Variants in UMAD1 observed in about 807,000 individuals in gnomAD.
UMAD1 encodes UBAP1-MVB12-associated (UMA)-domain containing protein 1.
Under a neutral mutation model 6.1 loss-of-function variants are expected in UMAD1, and 8 were observed. The ratio of observed to expected loss-of-function variants is 1.30; its 90% confidence interval spans 0.76 to 2.35. The LOEUF is 2.35. Among genes scored for constraint, UMAD1 ranks in the 30% most tolerant of loss-of-function variants. UMAD1 has a pLI of 0.00. For missense variants in UMAD1, 130 were observed against 78.4 expected, an observed-to-expected ratio of 1.66 and a Z score of -2.49; for synonymous variants, 56 against 31.4, an observed-to-expected ratio of 1.78 and a Z score of -2.61.
intron 2 of UMAD1, among the ~76,000 whole-genome samples, chr7:7,719,152 C>G (rs1306610868): frequency 6.6e-6 from 1 of 151,916 alleles, no homozygotes; most frequent in Non-Finnish European, 1.5e-5. Context: ...GCTAAAAACA[C>G]CTTTAGGGTG....
At chr7:7,741,623 TA>T (rs889959055) in intron 2 of UMAD1, among the ~76,000 whole-genome samples, 1 of 146,904 alleles carries the variant, frequency 6.8e-6, no homozygotes, top group Non-Finnish European at 1.5e-5. Flanking sequence ...ATAAAAATAA[TA>T]AAAAAACACT....
intron 2 of UMAD1, among the ~76,000 whole-genome samples, chr7:7,776,446 A>T (rs1408709748): frequency 6.6e-6 from 1 of 152,234 alleles, no homozygotes; most frequent in Non-Finnish European, 1.5e-5. Flanking sequence ...TAGAGAGCAG[A>T]TTAGTGGTAG....
At chr7:7,734,009 A>G (rs180901719) in intron 2 of UMAD1, among the ~76,000 whole-genome samples, 2,764 of 152,222 alleles carry the variant, frequency 0.018, 93 homozygotes, top group African/African-American at 0.063. Flanking sequence ...ATAGTTAAGG[A>G]TTAACAGTGT....
At position 7,877,570 on chromosome 7, in the gene UMAD1, A is replaced by C; in HGVS notation, c.*32A>C. On this transcript the variant is annotated 3_prime_UTR_variant, in exon 4 of 4. Transcript: ENST00000682710. ...TGTCTGTTTGCACCTTAACAGCTTTAAAATATGTTCGCCTATTTTATCTAA... is the reference window on the plus strand; with the variant it reads ...TGTCTGTTTGCACCTTAACAGCTTTCAAATATGTTCGCCTATTTTATCTAA... 1 of 709,234 alleles carries C rather than the reference A, an allele frequency of 1.4e-6. No individual in the cohort carries two copies. Among genetic ancestry groups the C allele is most frequent in the Non-Finnish European group, 2.6e-6 (1 of 381,084 alleles). 43.9% of individuals were successfully genotyped at this position (709,234 alleles called of 1,614,324 possible). A position where few individuals can be genotyped will look rare whatever the true frequency, so the allele number is the denominator to read the frequency against.
chr7:7,720,436 C>T (rs769709151), intron 2 of UMAD1, among the ~76,000 whole-genome samples: 10 of 151,812 alleles, frequency 6.6e-5, no homozygotes, highest in Non-Finnish European at 1.3e-4. Context: ...TAATCATTTC[C>T]CCCCCTAACT....
chr7:7,768,766 A>C (rs1440707199), intron 2 of UMAD1, among the ~76,000 whole-genome samples: 1 of 152,242 alleles, frequency 6.6e-6, no homozygotes, highest in African/African-American at 2.4e-5. Flanking sequence ...TAAATAAATG[A>C]ATGCATAGTA....
At chr7:7,829,578 A>G (rs920181657) in intron 3 of UMAD1, among the ~76,000 whole-genome samples, 8 of 152,212 alleles carry the variant, frequency 5.3e-5, no homozygotes, top group Non-Finnish European at 1.2e-4. Context: ...ACAGTGCTTT[A>G]GGTCTCATAT....
chr7:7,827,883 T>C (rs556457563), intron 3 of UMAD1, among the ~76,000 whole-genome samples: 6 of 152,164 alleles, frequency 3.9e-5, no homozygotes, highest in Non-Finnish European at 7.4e-5. Context: ...TGGAAATATA[T>C]AAATATGTTT....
At chr7:7,815,205 A>G (rs1048758386) in intron 3 of UMAD1, among the ~76,000 whole-genome samples, 48 of 152,332 alleles carry the variant, frequency 3.2e-4, no homozygotes, top group African/African-American at 1.1e-3. Context: ...GAACTGTATC[A>G]GACAGACTTG....
intron 2 of UMAD1, among the ~76,000 whole-genome samples, chr7:7,684,025 C>T (rs1779980272): frequency 6.6e-6 from 1 of 152,200 alleles, no homozygotes; most frequent in Admixed American, 6.5e-5. Flanking sequence ...GCTCAACGCT[C>T]TGATATAAAA....
At chr7:7,768,378 C>G (rs1583810911) in intron 2 of UMAD1, among the ~76,000 whole-genome samples, 2 of 152,184 alleles carry the variant, frequency 1.3e-5, no homozygotes, top group Admixed American at 1.3e-4. Context: ...TTTGGGCTTA[C>G]TTGTCCCACT....
intron 2 of UMAD1, among the ~76,000 whole-genome samples, chr7:7,733,646 A>G (rs1781296755): frequency 6.7e-6 from 1 of 149,400 alleles, no homozygotes; most frequent in South Asian, 2.2e-4. Flanking sequence ...AATACTAGCC[A>G]GTCATGTCAA....
intron 1 of UMAD1, among the ~76,000 whole-genome samples, chr7:7,654,634 G>A (rs1316465469): frequency 1.3e-5 from 2 of 152,166 alleles, no homozygotes; most frequent in Admixed American, 1.3e-4. Context: ...TGGGTGCGGT[G>A]GCTCATGCTT....
At chr7:7,844,573 C>A (rs1783749120) in intron 3 of UMAD1, among the ~76,000 whole-genome samples, 1 of 152,166 alleles carries the variant, frequency 6.6e-6, no homozygotes, top group Admixed American at 6.6e-5. Flanking sequence ...AAAATGACAG[C>A]TCTTCTTTTG....
chr7:7,657,631 G>T (rs528205363), intron 1 of UMAD1, among the ~76,000 whole-genome samples: 1 of 152,078 alleles, frequency 6.6e-6, no homozygotes, highest in African/African-American at 2.4e-5. Context: ...TAGATGTGTG[G>T]TATTATTTCT....
intron 2 of UMAD1, among the ~76,000 whole-genome samples, chr7:7,791,246 A>AT (rs1343212114): frequency 6.6e-6 from 1 of 152,146 alleles, no homozygotes; most frequent in African/African-American, 2.4e-5. Flanking sequence ...CACCAAAAAT[A>AT]TTTTTTTATG....
chr7:7,742,273 G>A, intron 2 of UMAD1: 1 of 663,260 alleles, frequency 1.5e-6, no homozygotes, highest in Admixed American at 1.8e-5. Context: ...CAAGCGTGCT[G>A]TTGTCTTCTG....
intron 2 of UMAD1, among the ~76,000 whole-genome samples, chr7:7,681,697 C>CT (rs938300709): frequency 1.3e-5 from 2 of 152,030 alleles, no homozygotes; most frequent in Non-Finnish European, 2.9e-5. Context: ...TTTTCATAGC[C>CT]TTATACTACT....
chr7:7,644,641 C>T (rs372637510), intron 1 of UMAD1, among the ~76,000 whole-genome samples: 4 of 151,984 alleles, frequency 2.6e-5, no homozygotes, highest in South Asian at 4.1e-4. Context: ...ACCTTTTTGC[C>T]ACCTTCACTT....
Sources: allele counts gnomAD v4.1 joint callset (sites outside exome capture counted in the v4.1 genomes callset), GRCh38; gene constraint gnomAD v4.1.1; transcripts MANE v1.5; gene names NCBI Gene and HGNC (gene_info 2026-07-23, HGNC 2026-07-21).